The following FSTL5 variants were observed in gnomAD, a reference collection of about 807,000 sequenced individuals.
FSTL5 encodes the protein follistatin like 5.
FSTL5 carries 62 observed loss-of-function variants against 89.1 expected under a neutral mutation model. That is an observed-to-expected ratio of 0.70 (90% CI 0.57 to 0.86). FSTL5 has a LOEUF of 0.86. FSTL5 is among the 40% of genes least tolerant of loss of function. FSTL5 has a pLI of 0.00. For synonymous variants in FSTL5, 383 were observed against 346.2 expected (o/e 1.11, Z -1.18); for missense variants, 1,057 against 1,001.6 (o/e 1.06, Z -0.75).
At chr4:161,763,594 C>G (rs567142651) in intron 5 of FSTL5, among the ~76,000 whole-genome samples, 2 of 152,268 alleles carry the variant, frequency 1.3e-5, no homozygotes, top group Admixed American at 6.5e-5. Flanking sequence ...CTTATTTACT[C>G]TCTTTGGTGG....
intron 6 of FSTL5, among the ~76,000 whole-genome samples, chr4:161,667,318 G>A (rs1323067087): frequency 6.6e-6 from 1 of 152,044 alleles, no homozygotes; most frequent in Admixed American, 6.5e-5. Context: ...TCTTTTTTAT[G>A]CAGAATAGTT....
At chr4:161,403,351 T>A (rs1179724061) in intron 15 of FSTL5, among the ~76,000 whole-genome samples, 1 of 152,248 alleles carries the variant, frequency 6.6e-6, no homozygotes, top group East Asian at 1.9e-4. Context: ...ACAAGAGGAA[T>A]CTTTTAAAAA....
At chr4:162,015,647 TAC>T (rs530047807) in intron 3 of FSTL5, among the ~76,000 whole-genome samples, 3 of 152,212 alleles carry the variant, frequency 2.0e-5, no homozygotes, top group Non-Finnish European at 4.4e-5. Flanking sequence ...AGTAGCTTCA[TAC>T]AGTTTTGTTA....
intron 4 of FSTL5, among the ~76,000 whole-genome samples, chr4:161,788,646 G>A (rs1741999314): frequency 1.3e-5 from 2 of 152,170 alleles, no homozygotes; most frequent in South Asian, 4.1e-4. Context: ...AACACTTTGG[G>A]AGGTAGAGGC....
chr4:161,669,960 T>G (rs1483679967), intron 6 of FSTL5, among the ~76,000 whole-genome samples: 1 of 152,158 alleles, frequency 6.6e-6, no homozygotes, highest in African/African-American at 2.4e-5. Flanking sequence ...CTCTTTTACT[T>G]ACAAAAATAT....
chr4:161,861,725 C>T (rs896108421), intron 4 of FSTL5, among the ~76,000 whole-genome samples: 1 of 152,152 alleles, frequency 6.6e-6, no homozygotes, highest in East Asian at 1.9e-4. Flanking sequence ...TTATTTCAAG[C>T]AATCTTTGGA....
intron 6 of FSTL5, among the ~76,000 whole-genome samples, chr4:161,672,881 T>C (rs911594238): frequency 5.1e-4 from 78 of 152,178 alleles, no homozygotes; most frequent in African/African-American, 1.8e-3. Context: ...AATAGACTTT[T>C]AATTACTCTA....
chr4:161,706,316 G>A (rs972585355), intron 6 of FSTL5, among the ~76,000 whole-genome samples: 67 of 151,454 alleles, frequency 4.4e-4, no homozygotes, highest in African/African-American at 1.5e-3. Flanking sequence ...TTTATAGGTA[G>A]GAAGGAGGGA....
At chr4:161,533,456 C>T (rs199523608) in intron 10 of FSTL5, among the ~76,000 whole-genome samples, 21 of 151,856 alleles carry the variant, frequency 1.4e-4, no homozygotes, top group African/African-American at 3.1e-4. Context: ...TCTATGCACA[C>T]GAATTAGAAA....
At chr4:161,781,370 A>C (rs1399440116) in intron 4 of FSTL5, among the ~76,000 whole-genome samples, 1 of 152,118 alleles carries the variant, frequency 6.6e-6, no homozygotes, top group Non-Finnish European at 1.5e-5. Flanking sequence ...TGTCTACCTA[A>C]ATTTCAAAAA....
At chr4:161,386,669 G>A in intron 15 of FSTL5, 1 of 500,214 alleles carries the variant, frequency 2.0e-6, no homozygotes, top group Non-Finnish European at 3.5e-6. Context: ...AACTCATGCT[G>A]TAGAAAGAAA....
At chr4:161,483,014 C>A (rs1474953905) in intron 12 of FSTL5, among the ~76,000 whole-genome samples, 2 of 152,168 alleles carry the variant, frequency 1.3e-5, no homozygotes, top group East Asian at 3.9e-4. Context: ...ATTCTATGTA[C>A]CATGGCCATT....
intron 15 of FSTL5, among the ~76,000 whole-genome samples, chr4:161,416,045 G>A (rs1486114099): frequency 2.6e-5 from 4 of 151,914 alleles, no homozygotes; most frequent in Non-Finnish European, 5.9e-5. Flanking sequence ...TTTATTCGTT[G>A]ATGAGCTTTT....
In FSTL5 at chr4:162,101,311, T is replaced by C. The variant is rs145285804; in HGVS notation, c.126+9960A>G. 3.0e-4 allele frequency among the ~76,000 whole-genome samples: 46 copies of C among 152,334 alleles called. No individual in the cohort carries two copies. The East Asian group carries it at 8.5e-3, about 28-fold the overall frequency. On this transcript the variant is annotated intron_variant, in intron 2 of 15. Coordinates refer to ENST00000306100, the MANE Select transcript of FSTL5 (RefSeq NM_020116.5). ...ACAGCAGTCAGGGTAAGTCAAACTGTGTATTTAAGAACTTGATTTGAACTG... is the reference window on the plus strand; with the variant it reads ...ACAGCAGTCAGGGTAAGTCAAACTGCGTATTTAAGAACTTGATTTGAACTG...
rs1367140931 is a variant in FSTL5 at position 161,806,329 on chromosome 4, G to A, written c.410-30255C>T. The stretch of plus-strand genomic sequence containing the variant: ...TTAAGTTATATAGAATCTTTCTGCA[G>A]AGTATGTTGGAGTGTGTCCATTTCT... On this transcript the variant is annotated intron_variant, in intron 4 of 15. Coordinates refer to ENST00000306100, the MANE Select transcript of FSTL5 (RefSeq NM_020116.5). Among the ~76,000 whole-genome samples the A allele has an allele frequency of 3.3e-5, 5 of 152,168 alleles. 1 individual carries two copies. The highest frequency in any genetic ancestry group is 5.9e-5 in the Non-Finnish European group (4 of 68,006).
intron 7 of FSTL5, among the ~76,000 whole-genome samples, chr4:161,636,175 T>C (rs1560761162): frequency 1.3e-5 from 2 of 152,056 alleles, no homozygotes; most frequent in African/African-American, 2.4e-5. Flanking sequence ...TCACTTCTAA[T>C]AGTTTTAAAT....
At chr4:162,080,382 AAGG>A (rs201143723) in intron 2 of FSTL5, among the ~76,000 whole-genome samples, 1 of 50,554 alleles carries the variant, frequency 2.0e-5, no homozygotes, top group East Asian at 3.0e-4. Flanking sequence ...GGGTTTTAAG[AAGG>A]AGTGTTCCTT....
intron 8 of FSTL5, among the ~76,000 whole-genome samples, chr4:161,580,200 T>G (rs888979267): frequency 6.6e-6 from 1 of 152,184 alleles, no homozygotes; most frequent in Non-Finnish European, 1.5e-5. Flanking sequence ...TAACTGAACA[T>G]AATTTGACAT....
chr4:161,495,742 T>C (rs990395973), intron 12 of FSTL5, among the ~76,000 whole-genome samples: 5 of 152,140 alleles, frequency 3.3e-5, no homozygotes, highest in South Asian at 2.1e-4. Flanking sequence ...TATTGGGAAG[T>C]ATACTACTAC....
Sources: gnomAD v4.1 joint callset for allele counts (sites outside exome capture counted in the v4.1 genomes callset) on GRCh38, gnomAD v4.1.1 for gene constraint, MANE v1.5 for transcripts, NCBI Gene and HGNC (gene_info 2026-07-23, HGNC 2026-07-21) for gene names.